Variants in OTUD7A observed in about 807,000 individuals in gnomAD.
OTUD7A encodes OTU deubiquitinase 7A.
OTUD7A carries 12 observed loss-of-function variants against 65.7 expected under a neutral mutation model. The ratio of observed to expected loss-of-function variants is 0.18; its 90% CI spans 0.12 to 0.30. OTUD7A has a LOEUF of 0.30. Ranked by LOEUF, OTUD7A falls within the 10% of genes least tolerant of loss-of-function variation. OTUD7A has a pLI of 1.00. For synonymous variants in OTUD7A, 641 were observed against 586.3 expected (o/e 1.09, Z -1.35); for missense variants, 1,148 against 1,304.8 (o/e 0.88, Z 1.85).
At chr15:31,660,747 A>G (rs1320240097) in intron 1 of OTUD7A, among the ~76,000 whole-genome samples, 6 of 152,364 alleles carry the variant, frequency 3.9e-5, no homozygotes, top group African/African-American at 7.2e-5. Flanking sequence ...GAAAATCAAA[A>G]GTGGCTATAG....
chr15:31,797,045 T>C (rs1461266571), intron 1 of OTUD7A, among the ~76,000 whole-genome samples: 1 of 152,190 alleles, frequency 6.6e-6, no homozygotes, highest in Non-Finnish European at 1.5e-5. Context: ...CAAACATTAC[T>C]CTTGCACTTG....
intron 1 of OTUD7A, among the ~76,000 whole-genome samples, chr15:31,858,202 T>A (rs1337738272): frequency 2.0e-5 from 3 of 152,104 alleles, no homozygotes; most frequent in Non-Finnish European, 2.9e-5. Flanking sequence ...GGAGAGAGCC[T>A]ATAAGACAGG....
intron 3 of OTUD7A, among the ~76,000 whole-genome samples, chr15:31,622,824 G>T (rs1479539153): frequency 1.3e-5 from 2 of 151,854 alleles, no homozygotes; most frequent in Admixed American, 1.3e-4. Flanking sequence ...CGTTCCTTTG[G>T]AGGAGGAGAG....
intron 1 of OTUD7A, among the ~76,000 whole-genome samples, chr15:31,775,555 T>C (rs1383487142): frequency 1.3e-5 from 2 of 152,230 alleles, no homozygotes; most frequent in Admixed American, 6.5e-5. Context: ...ATGACATTTG[T>C]GCAAAAGCTT....
At chr15:31,653,481 T>C (rs1433417810) in intron 3 of OTUD7A, among the ~76,000 whole-genome samples, 1 of 151,352 alleles carries the variant, frequency 6.6e-6, no homozygotes, top group African/African-American at 2.4e-5. Flanking sequence ...CAAAATGATC[T>C]CCCTGCATGA....
chr15:31,600,486 G>C (rs999558365), intron 3 of OTUD7A, among the ~76,000 whole-genome samples: 3 of 152,150 alleles, frequency 2.0e-5, no homozygotes, highest in African/African-American at 7.2e-5. Flanking sequence ...GGAACAGCCG[G>C]TACCAGCCAC....
chr15:31,726,470 G>C (rs956594324), intron 1 of OTUD7A, among the ~76,000 whole-genome samples: 2 of 151,974 alleles, frequency 1.3e-5, no homozygotes, highest in Non-Finnish European at 2.9e-5. Flanking sequence ...AAGAAGAAAG[G>C]AAGGAAGGAA....
Position 31,483,798 on chromosome 15 carries a change from A to C in OTUD7A, c.2298T>G (p.Pro766=). The C allele has an allele frequency of 3.9e-6, 4 of 1,027,304 alleles. No homozygotes were observed. Among genetic ancestry groups the C allele is most frequent in the Non-Finnish European group, 4.7e-6 (4 of 859,722 alleles). The allele number at this position is 1,027,304 out of a possible 1,614,324, so 63.6% of individuals were successfully genotyped here. A position where few individuals can be genotyped will look rare whatever the true frequency, so the allele number is the denominator to read the frequency against. The change falls in exon 13 of 13, where the codon CCT becomes CCG. Residue 766 remains proline, a synonymous_variant. Coordinates refer to ENST00000307050, the MANE Select transcript of OTUD7A (RefSeq NM_001382637.1). Reference sequence around the variant, plus strand: ...GCGCTGGCGCCGGGGGGCTGCGGCCAGGCACTGGTCCGCTGGCGCTCGCAC... The same window carrying C: ...GCGCTGGCGCCGGGGGGCTGCGGCCCGGCACTGGTCCGCTGGCGCTCGCAC... ...ARRASASGPV[P]GRSPPAPARQ...
At chr15:31,527,644 G>A (rs2042032799) in intron 6 of OTUD7A, among the ~76,000 whole-genome samples, 1 of 152,240 alleles carries the variant, frequency 6.6e-6, no homozygotes. Context: ...TTACATTTGG[G>A]TGGGGGACTG....
intron 3 of OTUD7A, among the ~76,000 whole-genome samples, chr15:31,577,904 A>C (rs987358280): frequency 2.6e-5 from 4 of 152,140 alleles, no homozygotes; most frequent in African/African-American, 9.7e-5. Flanking sequence ...ACATCAAAAA[A>C]TAAGCAAGAA....
chr15:31,554,674 A>T (rs1371922506), intron 5 of OTUD7A, among the ~76,000 whole-genome samples: 2 of 152,118 alleles, frequency 1.3e-5, no homozygotes, highest in African/African-American at 2.4e-5. Context: ...CTCTGCCCCC[A>T]GACACACTGA....
intron 1 of OTUD7A, among the ~76,000 whole-genome samples, chr15:31,777,556 G>A (rs1567017985): frequency 1.3e-5 from 2 of 152,072 alleles, no homozygotes; most frequent in South Asian, 2.1e-4. Flanking sequence ...ACCCTATGAA[G>A]GCAGCTGGGC....
Position 31,475,593 on chromosome 15 carries a change from G to A in OTUD7A, c.*7701C>T, listed in dbSNP as rs1385363008. On this transcript the variant is annotated 3_prime_UTR_variant, in exon 13 of 13. Transcript: ENST00000307050. ...TGGAAGTTTTCCAAAATGAAAGCAA[G>A]ATTTACTACATATTGCAAAAACTGG... 2 of 152,192 alleles carry A rather than the reference G, an allele frequency of 1.3e-5. No homozygotes were observed. Among genetic ancestry groups the A allele is most frequent in the African/African-American group, 2.4e-5 (1 of 41,448 alleles). 9.4% of individuals were successfully genotyped at this position (152,192 alleles called of 1,614,324 possible).
intron 1 of OTUD7A, among the ~76,000 whole-genome samples, chr15:31,703,536 T>G (rs1444808031): frequency 2.0e-5 from 3 of 151,946 alleles, no homozygotes; most frequent in Admixed American, 2.0e-4. Flanking sequence ...TCATTACACA[T>G]CTATCAGAAC....
intron 1 of OTUD7A, among the ~76,000 whole-genome samples, chr15:31,704,791 C>G (rs1285442600): frequency 3.9e-5 from 6 of 152,220 alleles, no homozygotes; most frequent in South Asian, 2.1e-4. Flanking sequence ...GAGATCTGTC[C>G]TGGAATATTC....
At chr15:31,684,577 CAT>C (rs1482200268) in intron 1 of OTUD7A, among the ~76,000 whole-genome samples, 1 of 149,598 alleles carries the variant, frequency 6.7e-6, no homozygotes, top group Non-Finnish European at 1.5e-5. Flanking sequence ...CAAGCTTACT[CAT>C]GTGATCATTC....
intron 1 of OTUD7A, among the ~76,000 whole-genome samples, chr15:31,681,017 G>C (rs1452014206): frequency 6.7e-6 from 1 of 149,512 alleles, no homozygotes; most frequent in Non-Finnish European, 1.5e-5. Flanking sequence ...ATATGTATCG[G>C]TCTGCCTGCC....
At chr15:31,602,935 A>G (rs187412755) in intron 3 of OTUD7A, among the ~76,000 whole-genome samples, 6 of 152,328 alleles carry the variant, frequency 3.9e-5, no homozygotes, top group Non-Finnish European at 8.8e-5. Flanking sequence ...GCTCAAGGTA[A>G]TAAGAGAGGA....
intron 5 of OTUD7A, chr15:31,557,170 A>G (rs546177527): frequency 5.3e-5 from 8 of 152,370 alleles, no homozygotes; most frequent in African/African-American, 1.9e-4. Context: ...CCCAACACAA[A>G]TAAGCCCCAC....
Sources: allele counts gnomAD v4.1 joint callset (sites outside exome capture counted in the v4.1 genomes callset), GRCh38; gene constraint gnomAD v4.1.1; transcripts MANE v1.5; gene names NCBI Gene and HGNC (gene_info 2026-07-23, HGNC 2026-07-21).